Variants in INVS observed in about 807,000 individuals in gnomAD.
INVS encodes the protein inversion of embryo turning homolog.
A neutral mutation model predicts 108.8 loss-of-function variants in INVS; 86 were observed. That is an observed-to-expected ratio of 0.79 (90% CI 0.66 to 0.95). The LOEUF is 0.95. INVS is among the 40% of genes least tolerant of loss of function. The probability of loss-of-function intolerance (pLI) is 0.00; values close to 1 mark genes in which losing one functional copy is unlikely to be tolerated. For missense variants in INVS, 1,169 were observed against 1,297.4 expected, an observed-to-expected ratio of 0.90 and a Z score of 1.52; for synonymous variants, 455 against 473.5, an observed-to-expected ratio of 0.96 and a Z score of 0.51.
chr9:100,115,103 G>C (rs1271830612), intron 2 of INVS, among the ~76,000 whole-genome samples: 1 of 152,020 alleles, frequency 6.6e-6, no homozygotes, highest in Non-Finnish European at 1.5e-5. Context: ...ACAGCATTTG[G>C]TATTGTGAAG....
At chr9:100,118,059 CT>C (rs1011778116) in intron 2 of INVS, among the ~76,000 whole-genome samples, 1 of 147,708 alleles carries the variant, frequency 6.8e-6, no homozygotes, top group African/African-American at 2.5e-5. Flanking sequence ...CAGATTTTTT[CT>C]TTTTTTTTCT....
chr9:100,247,358 C>G (rs1044195408), intron 8 of INVS, among the ~76,000 whole-genome samples: 1 of 152,140 alleles, frequency 6.6e-6, no homozygotes, highest in Non-Finnish European at 1.5e-5. Context: ...ATTTCTTTCT[C>G]TAATAGAAGA....
intron 5 of INVS, among the ~76,000 whole-genome samples, chr9:100,237,127 T>C (rs1831712212): frequency 1.3e-5 from 2 of 152,138 alleles, no homozygotes; most frequent in Admixed American, 6.6e-5. Flanking sequence ...CTCCGCTCAG[T>C]TCAAACTTCT....
At chr9:100,176,722 C>T (rs1042485174) in intron 3 of INVS, among the ~76,000 whole-genome samples, 9 of 151,942 alleles carry the variant, frequency 5.9e-5, no homozygotes, top group Admixed American at 1.3e-4. Context: ...GTGATCCGCC[C>T]GCCTCAGCCT....
intron 6 of INVS, among the ~76,000 whole-genome samples, chr9:100,241,350 C>A (rs2787396): frequency 0.52 from 79,243 of 151,850 alleles, 21,840 homozygotes; most frequent in African/African-American, 0.64. Context: ...ATTTTGGGTT[C>A]TATTTTTATT....
chr9:100,236,767 G>A (rs996699169), intron 5 of INVS, among the ~76,000 whole-genome samples: 7 of 152,268 alleles, frequency 4.6e-5, no homozygotes, highest in Non-Finnish European at 7.4e-5. Flanking sequence ...GATTCCAGCT[G>A]GGGCTCTCCT....
chr9:100,152,946 A>G (rs1399507610), intron 3 of INVS, among the ~76,000 whole-genome samples: 1 of 151,932 alleles, frequency 6.6e-6, no homozygotes, highest in African/African-American at 2.4e-5. Context: ...TGAAGTAATG[A>G]CTGTAAACTT....
At chr9:100,235,908 T>C (rs1831675273) in intron 5 of INVS, among the ~76,000 whole-genome samples, 1 of 152,216 alleles carries the variant, frequency 6.6e-6, no homozygotes, top group South Asian at 2.1e-4. Flanking sequence ...ATTTGAATAT[T>C]GGCCTGTCTT....
intron 3 of INVS, among the ~76,000 whole-genome samples, chr9:100,136,232 T>C (rs1188974428): frequency 6.6e-6 from 1 of 151,938 alleles, no homozygotes; most frequent in Non-Finnish European, 1.5e-5. Context: ...GTACGAGTGA[T>C]TGATTAATGG....
intron 11 of INVS, among the ~76,000 whole-genome samples, chr9:100,269,000 A>C (rs1479388542): frequency 2.0e-5 from 3 of 152,224 alleles, no homozygotes; most frequent in Non-Finnish European, 2.9e-5. Context: ...GAAGGATACT[A>C]CCTATTAATA....
intron 3 of INVS, among the ~76,000 whole-genome samples, chr9:100,202,066 G>C (rs1336804230): frequency 1.3e-5 from 2 of 151,230 alleles, no homozygotes; most frequent in Non-Finnish European, 2.9e-5. Flanking sequence ...CTTCTGACTG[G>C]GTGTTGAAAA....
At chr9:100,296,055 G>A (rs530691202) in intron 14 of INVS, among the ~76,000 whole-genome samples, 1 of 152,304 alleles carries the variant, frequency 6.6e-6, no homozygotes, top group African/African-American at 2.4e-5. Context: ...ACCAAGCGCT[G>A]CAAGGAGCTT....
chr9:100,142,341 A>AG (rs1828459280), intron 3 of INVS, among the ~76,000 whole-genome samples: 1 of 152,122 alleles, frequency 6.6e-6, no homozygotes, highest in African/African-American at 2.4e-5. Context: ...GAGGTAGTGG[A>AG]GGGGGGCAGA....
At chr9:100,249,919 A>G (rs1033348610) in intron 8 of INVS, among the ~76,000 whole-genome samples, 4 of 150,538 alleles carry the variant, frequency 2.7e-5, no homozygotes, top group African/African-American at 9.7e-5. Context: ...AGTCTGGTCA[A>G]CGTGGTGAAA....
intron 4 of INVS, among the ~76,000 whole-genome samples, chr9:100,226,810 C>CAAAAAA (rs59853701): frequency 1.3e-5 from 1 of 78,796 alleles, no homozygotes. Flanking sequence ...GAGACTGTCT[C>CAAAAAA]AAAAAAAAAA....
chr9:100,138,001 T>G (rs1451265623), intron 3 of INVS, among the ~76,000 whole-genome samples: 1 of 152,164 alleles, frequency 6.6e-6, no homozygotes, highest in Non-Finnish European at 1.5e-5. Flanking sequence ...AGACTGAGAG[T>G]CAACGTAATA....
At chr9:100,138,313 G>A (rs1828300930) in intron 3 of INVS, among the ~76,000 whole-genome samples, 1 of 152,154 alleles carries the variant, frequency 6.6e-6, no homozygotes, top group African/African-American at 2.4e-5. Flanking sequence ...GGCTGAGGCA[G>A]GAGAATCGCT....
chr9:100,148,806 T>G (rs1210444802), intron 3 of INVS, among the ~76,000 whole-genome samples: 1 of 152,214 alleles, frequency 6.6e-6, no homozygotes, highest in African/African-American at 2.4e-5. Context: ...AACCAACACA[T>G]GTACATTCCA....
At chr9:100,216,382 T>C (rs1280196403) in intron 3 of INVS, among the ~76,000 whole-genome samples, 1 of 152,200 alleles carries the variant, frequency 6.6e-6, no homozygotes, top group Non-Finnish European at 1.5e-5. Flanking sequence ...TGCCCCCTAC[T>C]GGACACCATC....
Sources: gnomAD v4.1 joint callset for allele counts (sites outside exome capture counted in the v4.1 genomes callset) on GRCh38, gnomAD v4.1.1 for gene constraint, MANE v1.5 for transcripts, NCBI Gene and HGNC (gene_info 2026-07-23, HGNC 2026-07-21) for gene names.